Variants in MAN1C1 observed in about 807,000 individuals in gnomAD.
MAN1C1 encodes mannosidase alpha class 1C member 1.
MAN1C1 carries 49 observed loss-of-function variants against 71.5 expected under a neutral mutation model. That is an observed-to-expected ratio of 0.69 (90% CI 0.54 to 0.87). The LOEUF is 0.87. Among genes scored for constraint, MAN1C1 ranks in the 40% least tolerant of loss-of-function variants. The pLI is 0.00. For synonymous variants in MAN1C1, 352 were observed against 343.7 expected (o/e 1.02, Z -0.27); for missense variants, 743 against 835.0 (o/e 0.89, Z 1.36).
rs1489167966 is a variant in MAN1C1 at position 25,782,095 on chromosome 1, A to C, written c.1651-490A>C. Among the ~76,000 whole-genome samples, 1 of 151,786 alleles carries C rather than the reference A, an allele frequency of 6.6e-6. No individual in the cohort carries two copies. The highest frequency in any genetic ancestry group is 1.5e-5 in the Non-Finnish European group (1 of 67,936). On this transcript the variant is annotated intron_variant, in intron 10 of 11. Coordinates refer to ENST00000374332, the MANE Select transcript of MAN1C1 (RefSeq NM_020379.4). This position sits in a 1 kb window ranked among gnomAD's most constrained non-coding sequence, Gnocchi z 4.4. ...ATGAGACCTTGTCTCAAGAAAAAAA[A>C]ATGCATTTATATAGAAAGATGAATG...
intron 1 of MAN1C1, among the ~76,000 whole-genome samples, chr1:25,668,817 C>T (rs1207958814): frequency 6.6e-6 from 1 of 152,132 alleles, no homozygotes; most frequent in Non-Finnish European, 1.5e-5. Flanking sequence ...CTCGGCCTCC[C>T]AAAGTGCTGG....
chr1:25,705,601 A>G (rs2046510807), intron 2 of MAN1C1, among the ~76,000 whole-genome samples: 1 of 152,200 alleles, frequency 6.6e-6, no homozygotes. Flanking sequence ...TTAGAACAGG[A>G]CTAGCTAACA....
rs544681382 is a variant in MAN1C1 at position 25,782,977 on chromosome 1, C to T, written c.1766+277C>T. On this transcript the variant is annotated intron_variant, in intron 11 of 11. Coordinates refer to ENST00000374332, the MANE Select transcript of MAN1C1 (RefSeq NM_020379.4). The surrounding 1 kb of genome is among the most constrained non-coding windows in gnomAD (Gnocchi z 4.4). ...CTCGCTTATCTCCCCAGGTTGCTTC[C>T]GTTCTGGGAACCGCGTCCTCGTGTG... Among the ~76,000 whole-genome samples, 20 of 152,288 alleles carry T rather than the reference C, an allele frequency of 1.3e-4. No individual in the cohort carries two copies. The highest frequency in any genetic ancestry group is 2.5e-4 in the Non-Finnish European group (17 of 68,014).
chr1:25,740,206 G>T (rs1028631235), intron 2 of MAN1C1, among the ~76,000 whole-genome samples: 1 of 152,102 alleles, frequency 6.6e-6, no homozygotes, highest in East Asian at 1.9e-4. Flanking sequence ...AGAGTAGCCC[G>T]CAGCTACCAG....
rs2047553225 is a variant in MAN1C1 at position 25,771,647 on chromosome 1, C to G, written c.1142-10C>G. 2.5e-6 allele frequency: 4 copies of G among 1,599,420 alleles called. No homozygotes were observed. The highest frequency in any genetic ancestry group is 1.1e-5 in the South Asian group (1 of 90,758). Reference sequence around the variant, plus strand: ...TGGAGATAATGTTCTTGTCCTCTTTCCCTTCACAGACCATGTCTCAGTTGG... The same window carrying G: ...TGGAGATAATGTTCTTGTCCTCTTTGCCTTCACAGACCATGTCTCAGTTGG... On this transcript the variant is annotated splice_polypyrimidine_tract_variant and intron_variant, in intron 7 of 11. Transcript: ENST00000374332.
At chr1:25,771,436 T>C (rs1454621670) in intron 7 of MAN1C1, among the ~76,000 whole-genome samples, 1 of 152,216 alleles carries the variant, frequency 6.6e-6, no homozygotes, top group Non-Finnish European at 1.5e-5. Context: ...CCGTGCACTT[T>C]TGTGCAGGAT....
At chr1:25,738,861 G>A (rs1355412093) in intron 2 of MAN1C1, among the ~76,000 whole-genome samples, 1 of 152,130 alleles carries the variant, frequency 6.6e-6, no homozygotes, top group African/African-American at 2.4e-5. Context: ...AGTTTCTTAA[G>A]GTCTGGGCCT....
rs573911469 is a variant in MAN1C1 at position 25,634,938 on chromosome 1, T to G, written c.540+16601T>G. On this transcript the variant is annotated intron_variant, in intron 1 of 11. Coordinates refer to ENST00000374332, the MANE Select transcript of MAN1C1 (RefSeq NM_020379.4). The surrounding 1 kb of genome is among the most constrained non-coding windows in gnomAD (Gnocchi z 4.6). ...TTTATGAGGGATATTGGTCTATAGTTTTTTTTTTTGTAAATCCTTTGTCTG... is the reference window on the plus strand; with the variant it reads ...TTTATGAGGGATATTGGTCTATAGTGTTTTTTTTTGTAAATCCTTTGTCTG... Among the ~76,000 whole-genome samples, 1 of 151,388 alleles carries G rather than the reference T, an allele frequency of 6.6e-6. No homozygotes were observed. The highest frequency in any genetic ancestry group is 6.6e-5 in the Admixed American group (1 of 15,210).
At chr1:25,656,814 G>T (rs2045774139) in intron 1 of MAN1C1, among the ~76,000 whole-genome samples, 1 of 150,374 alleles carries the variant, frequency 6.7e-6, no homozygotes, top group Non-Finnish European at 1.5e-5. Context: ...TGGAAAGATA[G>T]ACCAACCTTG....
At chr1:25,727,162 C>T (rs983010745) in intron 2 of MAN1C1, among the ~76,000 whole-genome samples, 2 of 152,190 alleles carry the variant, frequency 1.3e-5, no homozygotes, top group African/African-American at 4.8e-5. Context: ...AGATTACTAC[C>T]CAGTGGACTA....
At chr1:25,627,269 CTCTTCTCTTG>C (rs1486133199) in intron 1 of MAN1C1, among the ~76,000 whole-genome samples, 4 of 150,128 alleles carry the variant, frequency 2.7e-5, no homozygotes, top group South Asian at 2.1e-4. Flanking sequence ...CTCTTCTCTT[CTCTTCTCTTG>C]TCTTCTCTTC....
intron 9 of MAN1C1, 121 bp from the exon 10 acceptor site, chr1:25,780,819 C>T (rs2047682218): frequency 3.9e-6 from 4 of 1,023,628 alleles, no homozygotes; most frequent in Non-Finnish European, 5.9e-6. Flanking sequence ...GGGCACCCCA[C>T]ACCCACACAC....
At chr1:25,643,525 C>T (rs1309733920) in intron 1 of MAN1C1, among the ~76,000 whole-genome samples, 2 of 146,742 alleles carry the variant, frequency 1.4e-5, no homozygotes, top group African/African-American at 5.0e-5. Context: ...CCTGTCTCGG[C>T]CTCCCCAAGT....
intron 1 of MAN1C1, among the ~76,000 whole-genome samples, chr1:25,664,825 A>G (rs1336852140): frequency 6.6e-6 from 1 of 152,252 alleles, no homozygotes; most frequent in Non-Finnish European, 1.5e-5. Context: ...GGAGGCAATT[A>G]TCTCACGATT....
chr1:25,706,572 G>A (rs2046526860), intron 2 of MAN1C1, among the ~76,000 whole-genome samples: 1 of 152,210 alleles, frequency 6.6e-6, no homozygotes, highest in African/African-American at 2.4e-5. Flanking sequence ...CATGCGCAGG[G>A]CAGCCTGGGA....
rs1018585904 is a variant in MAN1C1, at chr1:25,779,086, G to A, written c.1477+762G>A. ...CCCCTCAGAAAAATCCCCAGCCCCC[G>A]TGTGGTCCCAGGAGACGCCCACCGC... On this transcript the variant is annotated intron_variant, in intron 9 of 11. Transcript: ENST00000374332. This position sits in a 1 kb window ranked among gnomAD's most constrained non-coding sequence, Gnocchi z 4.6. Among the ~76,000 whole-genome samples the A allele has an allele frequency of 1.3e-5, 2 of 152,098 alleles. No individual in the cohort carries two copies. The highest frequency in any genetic ancestry group is 2.4e-5 in the African/African-American group (1 of 41,424).
In MAN1C1 at chr1:25,781,128, G is replaced by C. The variant is rs1339034546; in HGVS notation, c.1650+16G>C. On this transcript the variant is annotated intron_variant, in intron 10 of 11. Coordinates refer to ENST00000374332, the MANE Select transcript of MAN1C1 (RefSeq NM_020379.4). The stretch of plus-strand genomic sequence containing the variant: ...GGTGGTGCTGGTGAGTGGGCCCCAG[G>C]GATGGGCAGCAAGGTGCTAGATGCC... The C allele has an allele frequency of 6.2e-7, 1 of 1,612,596 alleles. No homozygotes were observed. Among genetic ancestry groups the C allele is most frequent in the East Asian group, 2.2e-5 (1 of 44,856 alleles).
intron 1 of MAN1C1, among the ~76,000 whole-genome samples, chr1:25,656,601 T>A (rs940243165): frequency 5.3e-5 from 8 of 152,162 alleles, no homozygotes; most frequent in Non-Finnish European, 1.0e-4. Context: ...CCTTCTGTGG[T>A]TAATCTTCTG....
intron 1 of MAN1C1, among the ~76,000 whole-genome samples, chr1:25,635,456 ATGTG>A (rs1488419533): frequency 3.6e-5 from 2 of 55,410 alleles, no homozygotes; most frequent in South Asian, 9.9e-4. Flanking sequence ...TTTTTTTTTT[ATGTG>A]TGTGTGTGAG....
Sources: gnomAD v4.1 joint callset for allele counts (sites outside exome capture counted in the v4.1 genomes callset) on GRCh38, gnomAD v4.1.1 for gene constraint, Gnocchi (gnomAD v3.1) non-coding constraint, MANE v1.5 for transcripts, NCBI Gene and HGNC (gene_info 2026-07-23, HGNC 2026-07-21) for gene names.